VPS13B: variants seen among roughly 807,000 people sequenced by gnomAD.
VPS13B encodes intermembrane lipid transfer protein VPS13B.
A neutral mutation model predicts 426.4 loss-of-function variants in VPS13B; 285 were observed. The observed-to-expected ratio is 0.67, with a 90% CI of 0.61 to 0.74. The LOEUF is 0.74. Ranked by LOEUF, VPS13B falls within the 30% of genes least tolerant of loss-of-function variation. The pLI, the probability that VPS13B is intolerant of heterozygous loss-of-function variation, is 0.00. For synonymous variants in VPS13B, 1,676 were observed against 1,676.4 expected, an observed-to-expected ratio of 1.00 and a Z score of 0.01; for missense variants, 4,537 against 4,782.6, an observed-to-expected ratio of 0.95 and a Z score of 1.51.
intron 33 of VPS13B, among the ~76,000 whole-genome samples, chr8:99,621,820 C>CTTTTTTTTTTTTTTTTTTTTTTTTTTTTT (rs749078781): frequency 1.2e-5 from 1 of 83,256 alleles, no homozygotes; most frequent in African/African-American, 4.8e-5. Context: ...TGTTTTGTTT[C>CTTTTTTTTTTTTTTTTTTTTTTTTTTTTT]TTTTTTTTTT....
At chr8:99,108,998 G>C (rs767043435) in intron 5 of VPS13B, among the ~76,000 whole-genome samples, 53 of 152,112 alleles carry the variant, frequency 3.5e-4, no homozygotes, top group Non-Finnish European at 5.6e-4. Flanking sequence ...GCTTTTCTTT[G>C]ATTGCTTTTT....
chr8:99,029,646 C>T (rs1304231963), intron 2 of VPS13B, among the ~76,000 whole-genome samples: 2 of 151,462 alleles, frequency 1.3e-5, no homozygotes, highest in Non-Finnish European at 2.9e-5. Flanking sequence ...TGTGGCGGCG[C>T]GCGCCTGCAA....
rs190180990 is a variant in VPS13B, at chr8:99,767,877, C to G, written c.7247+907C>G. 1.6e-3 allele frequency among the ~76,000 whole-genome samples: 241 copies of G among 152,100 alleles called. 6 individuals carry two copies. Among genetic ancestry groups the G allele is most frequent in the Non-Finnish European group, 5.3e-4 (36 of 67,964 alleles). ...CCCGGAGGGTGAGGTTGCAGTGAGC[C>G]GTGATCTCACCACTGCACTCCAGCC... On this transcript the variant is annotated intron_variant, in intron 40 of 61. Transcript: ENST00000357162.
intron 35 of VPS13B, among the ~76,000 whole-genome samples, chr8:99,691,545 G>C (rs1831665397): frequency 1.3e-5 from 2 of 151,970 alleles, no homozygotes; most frequent in South Asian, 4.2e-4. Context: ...TCAGAGTTTT[G>C]TTAGGCCTGA....
At chr8:99,282,199 C>A (rs1819207143) in intron 19 of VPS13B, among the ~76,000 whole-genome samples, 1 of 152,170 alleles carries the variant, frequency 6.6e-6, no homozygotes, top group African/African-American at 2.4e-5. Flanking sequence ...CACCACCCCA[C>A]CAATTAAATA....
At chr8:99,320,842 CTCT>C (rs951326597) in intron 19 of VPS13B, among the ~76,000 whole-genome samples, 4 of 152,196 alleles carry the variant, frequency 2.6e-5, no homozygotes, top group African/African-American at 9.7e-5. Flanking sequence ...TACCTACTTT[CTCT>C]TCTTTTTATT....
intron 35 of VPS13B, among the ~76,000 whole-genome samples, chr8:99,664,468 G>C (rs936196172): frequency 6.6e-6 from 1 of 151,116 alleles, no homozygotes; most frequent in Non-Finnish European, 1.5e-5. Context: ...CCCTCCCCCT[G>C]ACCCCCACCC....
At chr8:99,265,016 T>C (rs1012751361) in intron 17 of VPS13B, among the ~76,000 whole-genome samples, 4 of 152,144 alleles carry the variant, frequency 2.6e-5, no homozygotes, top group African/African-American at 9.6e-5. Flanking sequence ...TGTTTTTAAT[T>C]TCTATGTGCT....
At chr8:99,690,424 A>G (rs1418598125) in intron 35 of VPS13B, among the ~76,000 whole-genome samples, 1 of 152,230 alleles carries the variant, frequency 6.6e-6, no homozygotes, top group Non-Finnish European at 1.5e-5. Context: ...CACCAAAAGC[A>G]CAAGCAAAAT....
At chr8:99,768,563 AT>A (rs977589554) in intron 40 of VPS13B, among the ~76,000 whole-genome samples, 1 of 152,202 alleles carries the variant, frequency 6.6e-6, no homozygotes, top group African/African-American at 2.4e-5. Flanking sequence ...TTCTGTTAAC[AT>A]TTTGGTTTGT....
chr8:99,439,468 A>G (rs922953678), intron 22 of VPS13B, among the ~76,000 whole-genome samples: 2 of 152,134 alleles, frequency 1.3e-5, no homozygotes, highest in Non-Finnish European at 2.9e-5. Context: ...TAGAGAGTAC[A>G]TGAATAAAGG....
chr8:99,866,860 A>G (rs112468106), intron 58 of VPS13B, among the ~76,000 whole-genome samples: 384 of 152,338 alleles, frequency 2.5e-3, no homozygotes, highest in African/African-American at 8.7e-3. Flanking sequence ...GCTGAGCGCC[A>G]GGCCTGACTG....
At chr8:99,310,102 T>C (rs949428465) in intron 19 of VPS13B, among the ~76,000 whole-genome samples, 2 of 152,206 alleles carry the variant, frequency 1.3e-5, no homozygotes, top group African/African-American at 4.8e-5. Context: ...TGGGGTTTTC[T>C]AAATATACAA....
In VPS13B at chr8:99,384,264, T is replaced by A; in HGVS notation, c.2881T>A (p.Tyr961Asn). 6 of 1,614,010 alleles carry A rather than the reference T, an allele frequency of 3.7e-6. No homozygotes were observed. The highest frequency in any genetic ancestry group is 5.1e-6 in the Non-Finnish European group (6 of 1,179,948). The change falls in exon 20 of 62, where the codon TAT (tyrosine) becomes AAT (asparagine). Residue 961 changes from tyrosine to asparagine, a missense_variant. Around this residue, in one of 2 missense-constraint regions of VPS13B, gnomAD observed 4,311 missense variants for 4,474.3 expected, o/e 0.96. Transcript: ENST00000357162. ...GLAVNIDPIL[Y>N]TWLIYQPQKR... ...AGCAGTTAATATTGACCCAATCTTA[T>A]ATACGTGGCTCATCTATCAGCCTCA...
At chr8:99,748,368 G>A (rs1286529978) in intron 39 of VPS13B, among the ~76,000 whole-genome samples, 1 of 152,006 alleles carries the variant, frequency 6.6e-6, no homozygotes, top group Non-Finnish European at 1.5e-5. Flanking sequence ...GATTTTGCAA[G>A]ACTTAGAAAA....
intron 36 of VPS13B, among the ~76,000 whole-genome samples, chr8:99,702,346 T>A: frequency 6.6e-6 from 1 of 152,192 alleles, no homozygotes; most frequent in East Asian, 1.9e-4. Context: ...TTTATATAAC[T>A]GTTGTGACCA....
intron 21 of VPS13B, among the ~76,000 whole-genome samples, chr8:99,395,591 G>T (rs1814687696): frequency 6.6e-6 from 1 of 152,144 alleles, no homozygotes; most frequent in Non-Finnish European, 1.5e-5. Flanking sequence ...AAACAAAATA[G>T]TGAGTAACTG....
intron 33 of VPS13B, among the ~76,000 whole-genome samples, chr8:99,579,823 G>A (rs897841305): frequency 5.3e-5 from 8 of 151,102 alleles, no homozygotes; most frequent in Non-Finnish European, 8.9e-5. Flanking sequence ...TCAGCGTCCC[G>A]GGTTGCTGGG....
At chr8:99,374,090 A>G (rs746753228) in intron 19 of VPS13B, among the ~76,000 whole-genome samples, 9 of 151,938 alleles carry the variant, frequency 5.9e-5, no homozygotes, top group East Asian at 5.8e-4. Flanking sequence ...AAAATATTCT[A>G]TTATTTTCTG....
Sources: gnomAD v4.1 joint callset for allele counts (sites outside exome capture counted in the v4.1 genomes callset) on GRCh38, gnomAD v4.1.1 for gene constraint, gnomAD v4.1.1 regional missense constraint, MANE v1.5 for transcripts, NCBI Gene and HGNC (gene_info 2026-07-23, HGNC 2026-07-21) for gene names.